Variants in SPON1 observed in about 807,000 individuals in gnomAD.
SPON1 encodes spondin 1.
SPON1 carries 52 observed loss-of-function variants against 111.7 expected under a neutral mutation model. That is an observed-to-expected ratio of 0.47 (90% confidence interval 0.37 to 0.59). The LOEUF is 0.59. Ranked by LOEUF, SPON1 falls within the 20% of genes least tolerant of loss-of-function variation. The pLI, the probability that SPON1 is intolerant of heterozygous loss-of-function variation, is 0.00. For missense variants in SPON1, 957 were observed against 1,068.5 expected, an observed-to-expected ratio of 0.90 and a Z score of 1.46; for synonymous variants, 410 against 395.8, an observed-to-expected ratio of 1.04 and a Z score of -0.43.
At chr11:14,017,005 G>C (rs970175715) in intron 2 of SPON1, among the ~76,000 whole-genome samples, 1 of 152,190 alleles carries the variant, frequency 6.6e-6, no homozygotes, top group Non-Finnish European at 1.5e-5. Flanking sequence ...CAGGTGCCCA[G>C]AGATTGCTAC....
At chr11:14,203,544 C>A (rs2133898032) in intron 6 of SPON1, among the ~76,000 whole-genome samples, 1 of 152,298 alleles carries the variant, frequency 6.6e-6, no homozygotes, top group African/African-American at 2.4e-5. Flanking sequence ...ACCAGATGCC[C>A]AATCACACAC....
At chr11:13,991,061 T>C (rs1462548731) in intron 2 of SPON1, among the ~76,000 whole-genome samples, 2 of 152,226 alleles carry the variant, frequency 1.3e-5, no homozygotes, top group African/African-American at 4.8e-5. Flanking sequence ...TTGGGGTTGC[T>C]CTTCTCGAGG....
chr11:14,221,792 G>C (rs1252725844), intron 6 of SPON1, among the ~76,000 whole-genome samples: 1 of 152,140 alleles, frequency 6.6e-6, no homozygotes, highest in Non-Finnish European at 1.5e-5. Flanking sequence ...AAGAGGAAAG[G>C]TCAGGCTCCA....
chr11:14,219,658 A>G (rs1848659906), intron 6 of SPON1, among the ~76,000 whole-genome samples: 1 of 152,146 alleles, frequency 6.6e-6, no homozygotes, highest in Admixed American at 6.5e-5. Context: ...GACCTCTAGA[A>G]AGACAGGAGT....
chr11:14,009,427 C>T (rs2133797434), intron 2 of SPON1, among the ~76,000 whole-genome samples: 1 of 152,242 alleles, frequency 6.6e-6, no homozygotes, highest in South Asian at 2.1e-4. Context: ...CCCCTCTGCC[C>T]CAACCCAACT....
chr11:14,199,331 G>A (rs183380832), intron 6 of SPON1, among the ~76,000 whole-genome samples: 7 of 151,508 alleles, frequency 4.6e-5, no homozygotes, highest in Admixed American at 6.6e-5. Flanking sequence ...TAGCACCAAC[G>A]TCTGCCTAGG....
intron 7 of SPON1, among the ~76,000 whole-genome samples, chr11:14,245,694 G>A (rs963266163): frequency 1.2e-4 from 18 of 152,258 alleles, no homozygotes; most frequent in East Asian, 1.9e-4. Context: ...CTGGCCCAGC[G>A]CAGCCCAGCT....
chr11:13,971,410 G>A (rs1848062169), intron 1 of SPON1, among the ~76,000 whole-genome samples: 1 of 152,144 alleles, frequency 6.6e-6, no homozygotes, highest in Non-Finnish European at 1.5e-5. Flanking sequence ...GGATTATTGA[G>A]CCATCAAACC....
At chr11:14,084,015 T>C (rs1848985104) in intron 5 of SPON1, among the ~76,000 whole-genome samples, 1 of 152,212 alleles carries the variant, frequency 6.6e-6, no homozygotes, top group African/African-American at 2.4e-5. Flanking sequence ...TACTTCAGTA[T>C]ATAGCAGAAG....
At chr11:14,247,672 G>A (rs1554940353) in intron 7 of SPON1, among the ~76,000 whole-genome samples, 1 of 152,140 alleles carries the variant, frequency 6.6e-6, no homozygotes, top group Non-Finnish European at 1.5e-5. Context: ...GTAAGGGGGT[G>A]GAGAAAGAGC....
intron 6 of SPON1, among the ~76,000 whole-genome samples, chr11:14,201,136 C>T (rs1478287577): frequency 3.3e-5 from 5 of 151,924 alleles, no homozygotes; most frequent in Middle Eastern, 3.4e-3. Context: ...GTCAGGAGGT[C>T]GAGACCATCC....
At chr11:14,171,448 G>A (rs1305924037) in intron 6 of SPON1, among the ~76,000 whole-genome samples, 6 of 152,082 alleles carry the variant, frequency 3.9e-5, no homozygotes. Context: ...ACCACCTCCT[G>A]GATTCATGGA....
rs1554907654 is a variant in SPON1 at position 13,962,988 on chromosome 11, C to G, written c.84C>G (p.Ala28=). The change falls in exon 1 of 16, where the codon GCC becomes GCG. Residue 28 remains alanine, a synonymous_variant. Coordinates refer to ENST00000576479, the MANE Select transcript of SPON1 (RefSeq NM_006108.4). The part of the protein sequence containing the change: ...ALALPLAAAL[A]FSDETLDKVP... The stretch of plus-strand genomic sequence containing the variant: ...CGCTGCCCCTGGCCGCGGCGCTGGC[C>G]TTCTCCGACGAGACCCTGGACAAAG... 3 of 1,595,490 alleles carry G rather than the reference C, an allele frequency of 1.9e-6. No homozygotes were observed. The highest frequency in any genetic ancestry group is 2.3e-5 in the South Asian group (2 of 87,880).
At chr11:14,115,160 T>C (rs1849257771) in intron 5 of SPON1, among the ~76,000 whole-genome samples, 1 of 152,104 alleles carries the variant, frequency 6.6e-6, no homozygotes, top group Non-Finnish European at 1.5e-5. Context: ...AACTTTCAGT[T>C]TTCATCCAAT....
At chr11:14,224,616 G>A in intron 6 of SPON1, 1 of 241,488 alleles carries the variant, frequency 4.1e-6, no homozygotes, top group Non-Finnish European at 8.6e-6. Context: ...CTGTTAGTAT[G>A]CAGATGAGAT....
At chr11:14,090,490 T>G (rs1564902853) in intron 5 of SPON1, among the ~76,000 whole-genome samples, 1 of 152,116 alleles carries the variant, frequency 6.6e-6, no homozygotes, top group Non-Finnish European at 1.5e-5. Context: ...TCTTCTGATG[T>G]TCAGATGTGT....
At chr11:14,051,338 C>A (rs1848705836) in intron 3 of SPON1, among the ~76,000 whole-genome samples, 1 of 152,020 alleles carries the variant, frequency 6.6e-6, no homozygotes, top group Non-Finnish European at 1.5e-5. Context: ...ACTTTGAGAC[C>A]AGCCTGGGAA....
At chr11:14,063,669 T>C (rs1848808890) in intron 3 of SPON1, among the ~76,000 whole-genome samples, 1 of 152,206 alleles carries the variant, frequency 6.6e-6, no homozygotes, top group Non-Finnish European at 1.5e-5. Context: ...AGAAGAAACA[T>C]GGGGCAACTC....
At position 14,262,550 on chromosome 11, in the gene SPON1, G is replaced by T; in HGVS notation, c.1997-162G>T. ...CTGCTTACCAACCACACGGGCTGAA[G>T]TCAGCCTGCCTCTTTGGAGCCTCAG... On this transcript the variant is annotated intron_variant, in intron 14 of 15. Transcript: ENST00000576479. 11 of 926,336 alleles carry T rather than the reference G, an allele frequency of 1.2e-5. No individual in the cohort carries two copies. In the South Asian group the frequency reaches 1.8e-4, roughly 15 times the overall value. The allele number at this position is 926,336 out of a possible 1,614,324, so 57.4% of individuals were successfully genotyped here.
Sources: allele counts gnomAD v4.1 joint callset (sites outside exome capture counted in the v4.1 genomes callset), GRCh38; gene constraint gnomAD v4.1.1; transcripts MANE v1.5; gene names NCBI Gene and HGNC (gene_info 2026-07-23, HGNC 2026-07-21).